FGGY: variants seen among roughly 807,000 people sequenced by gnomAD.
The protein encoded by FGGY is FGGY carbohydrate kinase domain-containing protein.
A neutral mutation model predicts 71.3 loss-of-function variants in FGGY; 72 were observed. That is an observed-to-expected ratio of 1.01 (90% CI 0.84 to 1.23). The LOEUF is 1.23. FGGY is among the 50% of genes most tolerant of loss of function. The probability of loss-of-function intolerance (pLI) is 0.00; values close to 1 mark genes in which losing one functional copy is unlikely to be tolerated. For missense variants in FGGY, 668 were observed against 682.3 expected (o/e 0.98, Z 0.23); for synonymous variants, 251 against 250.3 (o/e 1.00, Z -0.02).
chr1:59,303,129 G>A (rs2043014703), intron 1 of FGGY, among the ~76,000 whole-genome samples: 1 of 152,126 alleles, frequency 6.6e-6, no homozygotes, highest in African/African-American at 2.4e-5. Flanking sequence ...TCTTGGTGTG[G>A]TGAGAACACT....
chr1:59,651,391 C>T (rs995780201), intron 11 of FGGY, among the ~76,000 whole-genome samples: 28 of 148,744 alleles, frequency 1.9e-4, no homozygotes, highest in African/African-American at 7.1e-4. Flanking sequence ...GAGTCTAAGT[C>T]TCTTTGTAGG....
At chr1:59,564,450 G>T (rs2095843846) in intron 8 of FGGY, among the ~76,000 whole-genome samples, 1 of 152,218 alleles carries the variant, frequency 6.6e-6, no homozygotes, top group South Asian at 2.1e-4. Context: ...GAACACCAAA[G>T]AAAACGTTCC....
At chr1:59,716,306 T>G (rs1044508882) in intron 14 of FGGY, among the ~76,000 whole-genome samples, 2 of 152,214 alleles carry the variant, frequency 1.3e-5, no homozygotes, top group Non-Finnish European at 2.9e-5. Flanking sequence ...CTTTCCCAGT[T>G]TCCTATCAAT....
intron 14 of FGGY, chr1:59,698,724 C>T (rs1277579515): frequency 9.2e-6 from 9 of 983,452 alleles, no homozygotes; most frequent in African/African-American, 3.5e-5. Context: ...TACCTTTCAC[C>T]AGAGTTGAGT....
At chr1:59,607,220 A>C (rs773579470) in intron 8 of FGGY, among the ~76,000 whole-genome samples, 17 of 152,366 alleles carry the variant, frequency 1.1e-4, no homozygotes, top group Middle Eastern at 3.4e-3. Context: ...TATGTGGGAC[A>C]TCACCTGAGA....
rs1463439878 is a variant in FGGY, at chr1:59,512,377, T to C, written c.737T>C (p.Leu246Pro). 1.9e-6 allele frequency: 3 copies of C among 1,613,722 alleles called. No individual in the cohort carries two copies. The highest frequency in any genetic ancestry group is 2.5e-6 in the Non-Finnish European group (3 of 1,179,808). The change falls in exon 7 of 16, where the codon CTT becomes CCT. Residue 246 changes from leucine to proline, a missense_variant. Around this residue, in one of 2 missense-constraint regions of FGGY, gnomAD observed 661 missense variants for 661.6 expected, o/e 1.00. Coordinates refer to ENST00000303721, the MANE Select transcript of FGGY (RefSeq NM_018291.5). ...NGLTPEAARD[L>P]GLLPGIAVAA... ...CTCACACCAGAGGCAGCAAGAGACC[T>C]TGGCCTTCTCCCTGGGATTGCGGTC...
At chr1:59,581,520 T>A (rs1182322138) in intron 8 of FGGY, among the ~76,000 whole-genome samples, 2 of 146,278 alleles carry the variant, frequency 1.4e-5, no homozygotes, top group Non-Finnish European at 3.0e-5. Flanking sequence ...GTCTCTCCCA[T>A]CAGTTCTTGA....
intron 4 of FGGY, among the ~76,000 whole-genome samples, chr1:59,365,325 C>T (rs902743005): frequency 2.6e-5 from 4 of 152,252 alleles, no homozygotes; most frequent in Non-Finnish European, 4.4e-5. Context: ...GAGAAGGTCC[C>T]GGAGAGTGAG....
At chr1:59,636,085 A>G (rs1384469220) in intron 10 of FGGY, among the ~76,000 whole-genome samples, 1 of 152,102 alleles carries the variant, frequency 6.6e-6, no homozygotes, top group East Asian at 1.9e-4. Flanking sequence ...ATTCCTCCTA[A>G]TAAGATCTAA....
intron 7 of FGGY, among the ~76,000 whole-genome samples, chr1:59,551,215 T>A (rs2095603310): frequency 6.6e-6 from 1 of 152,206 alleles, no homozygotes; most frequent in South Asian, 2.1e-4. Flanking sequence ...GTTGTGATTT[T>A]CCTCATTTTA....
intron 8 of FGGY, among the ~76,000 whole-genome samples, chr1:59,571,546 A>G (rs1310627094): frequency 6.6e-6 from 1 of 152,230 alleles, no homozygotes; most frequent in Non-Finnish European, 1.5e-5. Context: ...GATCAATTTG[A>G]CTGTGCACAT....
chr1:59,334,344 G>A (rs1220832907), intron 2 of FGGY, among the ~76,000 whole-genome samples: 7 of 151,932 alleles, frequency 4.6e-5, no homozygotes, highest in African/African-American at 1.5e-4. Flanking sequence ...GGGTTTCATC[G>A]TGTTGGCCAG....
intron 14 of FGGY, among the ~76,000 whole-genome samples, chr1:59,696,511 G>T (rs904686368): frequency 1.3e-4 from 20 of 152,196 alleles, no homozygotes; most frequent in African/African-American, 3.1e-4. Context: ...TGCATAAAAG[G>T]CCCCAGTAAA....
In FGGY at chr1:59,479,330, A is replaced by G. The variant is rs185891849; in HGVS notation, c.670+22254A>G. ...GGGAGGAAGACGGTTGGAAATAGGT[A>G]GAGTGTTCCACTGTTTGGTTGATTG... is the stretch of plus-strand genomic sequence containing the variant. On this transcript the variant is annotated intron_variant, in intron 6 of 15. Transcript: ENST00000303721. 1.3e-3 allele frequency among the ~76,000 whole-genome samples: 195 copies of G among 152,206 alleles called. 1 individual carries two copies. The highest frequency in any genetic ancestry group is 2.4e-3 in the Non-Finnish European group (162 of 67,988).
intron 4 of FGGY, among the ~76,000 whole-genome samples, chr1:59,358,326 A>G (rs959661605): frequency 2.0e-5 from 3 of 152,164 alleles, no homozygotes; most frequent in African/African-American, 4.8e-5. Flanking sequence ...TTGTAGGGAT[A>G]TATTCATTTA....
intron 7 of FGGY, among the ~76,000 whole-genome samples, chr1:59,537,300 G>T (rs202094596): frequency 0.058 from 8,750 of 152,020 alleles, 500 homozygotes; most frequent in African/African-American, 0.15. Flanking sequence ...GGGATGTGAA[G>T]GACCTCTTCA....
chr1:59,342,143 A>G (rs957845948), intron 3 of FGGY, among the ~76,000 whole-genome samples: 1 of 152,164 alleles, frequency 6.6e-6, no homozygotes, highest in African/African-American at 2.4e-5. Flanking sequence ...CTGGCTGTGC[A>G]TTAGTATCAA....
chr1:59,591,843 A>G (rs1253526075), intron 8 of FGGY, among the ~76,000 whole-genome samples: 3 of 152,264 alleles, frequency 2.0e-5, no homozygotes, highest in African/African-American at 7.2e-5. Context: ...ACCCTAGAAG[A>G]AAAACTAGGC....
intron 8 of FGGY, among the ~76,000 whole-genome samples, chr1:59,579,989 C>T (rs1053232318): frequency 2.2e-4 from 34 of 152,264 alleles, no homozygotes; most frequent in African/African-American, 7.5e-4. Flanking sequence ...CACACCTCTG[C>T]CACAGGGCCT....
Sources: allele counts gnomAD v4.1 joint callset (sites outside exome capture counted in the v4.1 genomes callset), GRCh38; gene constraint gnomAD v4.1.1; regional missense constraint gnomAD v4.1.1; transcripts MANE v1.5; gene names NCBI Gene and HGNC (gene_info 2026-07-23, HGNC 2026-07-21).